FBXL17: variants seen among roughly 807,000 people sequenced by gnomAD.
FBXL17 encodes the protein F-box/LRR-repeat protein 17.
A neutral mutation model predicts 66.2 loss-of-function variants in FBXL17; 22 were observed. The observed-to-expected ratio is 0.33, with a 90% CI of 0.24 to 0.47. The LOEUF is 0.47. FBXL17 is among the 20% of genes least tolerant of loss of function. The probability of loss-of-function intolerance (pLI) is 1.00; values close to 1 mark genes in which losing one functional copy is unlikely to be tolerated. For missense variants in FBXL17, 878 were observed against 948.2 expected, an observed-to-expected ratio of 0.93 and a Z score of 0.97; for synonymous variants, 474 against 400.5, an observed-to-expected ratio of 1.18 and a Z score of -2.19.
intron 1 of FBXL17, among the ~76,000 whole-genome samples, chr5:108,369,880 A>G (rs2112598509): frequency 6.6e-6 from 1 of 152,334 alleles, no homozygotes; most frequent in African/African-American, 2.4e-5. Flanking sequence ...ACTGAAACAA[A>G]TGTGACCTAT....
intron 5 of FBXL17, among the ~76,000 whole-genome samples, chr5:108,215,550 A>G (rs1754562736): frequency 1.3e-5 from 2 of 152,208 alleles, no homozygotes; most frequent in Admixed American, 1.3e-4. Flanking sequence ...TCTTTTGCAC[A>G]TTTAAAAAAA....
chr5:108,051,520 G>A (rs1393286765), intron 6 of FBXL17, among the ~76,000 whole-genome samples: 5 of 151,992 alleles, frequency 3.3e-5, no homozygotes, highest in African/African-American at 4.8e-5. Context: ...GCTCAAAAAC[G>A]GCCTTTGATA....
intron 6 of FBXL17, among the ~76,000 whole-genome samples, chr5:108,070,178 A>C (rs944657641): frequency 2.6e-5 from 4 of 152,228 alleles, no homozygotes; most frequent in African/African-American, 9.6e-5. Context: ...ATTAGAACCA[A>C]TAATGTCCTG....
chr5:108,095,921 C>G (rs1442885374), intron 6 of FBXL17, among the ~76,000 whole-genome samples: 1 of 152,070 alleles, frequency 6.6e-6, no homozygotes, highest in Non-Finnish European at 1.5e-5. Flanking sequence ...ACTCTCTATG[C>G]CAAAACACAA....
chr5:108,169,062 G>C (rs768259827), intron 6 of FBXL17, among the ~76,000 whole-genome samples: 1 of 152,112 alleles, frequency 6.6e-6, no homozygotes. Flanking sequence ...TGTCTGCGTG[G>C]ATGTCTAAAT....
At chr5:107,979,274 T>C (rs1489861742) in intron 7 of FBXL17, among the ~76,000 whole-genome samples, 2 of 152,196 alleles carry the variant, frequency 1.3e-5, no homozygotes, top group African/African-American at 2.4e-5. Flanking sequence ...GCAAGTTGGG[T>C]ATAATATAGT....
intron 5 of FBXL17, among the ~76,000 whole-genome samples, chr5:108,216,950 G>A (rs556047709): frequency 6.6e-6 from 1 of 152,286 alleles, no homozygotes; most frequent in Admixed American, 6.5e-5. Flanking sequence ...ATAGTCAGTG[G>A]GATCCCAGAA....
chr5:107,971,620 A>T (rs72796002), intron 7 of FBXL17, among the ~76,000 whole-genome samples: 1 of 152,164 alleles, frequency 6.6e-6, no homozygotes, highest in Non-Finnish European at 1.5e-5. Flanking sequence ...TTATAACAGA[A>T]CTGACCGTAA....
chr5:108,361,643 A>G (rs1267891845), intron 3 of FBXL17, among the ~76,000 whole-genome samples: 1 of 152,120 alleles, frequency 6.6e-6, no homozygotes. Flanking sequence ...TCCTAGGTCA[A>G]TTGTATGTCT....
chr5:108,158,509 C>CTGTGTGTGTG (rs3984948), intron 6 of FBXL17, among the ~76,000 whole-genome samples: 5 of 149,206 alleles, frequency 3.4e-5, no homozygotes, highest in Admixed American at 6.7e-5. Context: ...GTGTGTGTGT[C>CTGTGTGTGTG]TGTGTGTGTG....
At chr5:108,180,775 G>T (rs753475740) in intron 6 of FBXL17, among the ~76,000 whole-genome samples, 1 of 151,982 alleles carries the variant, frequency 6.6e-6, no homozygotes, top group Non-Finnish European at 1.5e-5. Context: ...TTAGCTACCG[G>T]ATGTTAGATA....
intron 4 of FBXL17, among the ~76,000 whole-genome samples, chr5:108,256,628 G>T (rs1347866180): frequency 6.6e-6 from 1 of 151,826 alleles, no homozygotes; most frequent in Non-Finnish European, 1.5e-5. Context: ...TGAAAATAAG[G>T]ATGAAGCTGT....
At chr5:108,363,223 C>T (rs1305625595) in intron 3 of FBXL17, among the ~76,000 whole-genome samples, 1 of 151,918 alleles carries the variant, frequency 6.6e-6, no homozygotes, top group East Asian at 1.9e-4. Flanking sequence ...GTGCATTGCA[C>T]ATAAGGATGT....
At chr5:108,224,999 A>G (rs578045565) in intron 4 of FBXL17, among the ~76,000 whole-genome samples, 33 of 152,258 alleles carry the variant, frequency 2.2e-4, no homozygotes, top group African/African-American at 7.2e-4. Context: ...ACAGTTCAGT[A>G]TATTCGCAAG....
chr5:107,937,296 T>C (rs1238702976), intron 7 of FBXL17, among the ~76,000 whole-genome samples: 1 of 152,146 alleles, frequency 6.6e-6, no homozygotes, highest in Non-Finnish European at 1.5e-5. Context: ...ATCAGCCCGA[T>C]CTTATTCAAT....
intron 7 of FBXL17, among the ~76,000 whole-genome samples, chr5:108,015,965 A>G (rs1754369893): frequency 6.6e-6 from 1 of 152,168 alleles, no homozygotes; most frequent in African/African-American, 2.4e-5. Context: ...GGATCCTACC[A>G]GCATTATCCC....
intron 5 of FBXL17, among the ~76,000 whole-genome samples, chr5:108,212,013 C>T (rs1449542052): frequency 6.6e-6 from 1 of 152,026 alleles, no homozygotes; most frequent in Non-Finnish European, 1.5e-5. Flanking sequence ...TTTCTTGTTC[C>T]TTTGTTCGTT....
intron 7 of FBXL17, among the ~76,000 whole-genome samples, chr5:107,984,856 G>T (rs1237766430): frequency 6.6e-6 from 1 of 152,114 alleles, no homozygotes; most frequent in Admixed American, 6.5e-5. Context: ...ATTGTGCATA[G>T]AATCCTTATA....
At chr5:107,887,579 CG>C (rs1412180800) in intron 7 of FBXL17, among the ~76,000 whole-genome samples, 23 of 152,262 alleles carry the variant, frequency 1.5e-4, no homozygotes, top group African/African-American at 4.8e-4. Flanking sequence ...TTTCTTGGCA[CG>C]GTTACAAAGA....
Sources: gnomAD v4.1 joint callset for allele counts (sites outside exome capture counted in the v4.1 genomes callset) on GRCh38, gnomAD v4.1.1 for gene constraint, MANE v1.5 for transcripts, NCBI Gene and HGNC (gene_info 2026-07-23, HGNC 2026-07-21) for gene names.